Variants in GKN2 observed in about 807,000 individuals in gnomAD.
GKN2 encodes gastrokine 2, also known as gastrokine-2.
GKN2 carries 17 observed loss-of-function variants against 22.7 expected under a neutral mutation model. That is an observed-to-expected ratio of 0.75 (90% confidence interval 0.51 to 1.13). The LOEUF is 1.13. Ranked by LOEUF, GKN2 falls within the 50% of genes most tolerant of loss-of-function variation. The pLI is 0.00. For missense variants in GKN2, 248 were observed against 221.4 expected (o/e 1.12, Z -0.76); for synonymous variants, 82 against 79.6 (o/e 1.03, Z -0.16).
At chr2:68,951,339 T>C (rs118070474) in intron 1 of GKN2, among the ~76,000 whole-genome samples, 8 of 152,302 alleles carry the variant, frequency 5.3e-5, no homozygotes, top group African/African-American at 1.9e-4. Context: ...TATTCTCCTA[T>C]GCCTTAGTGA....
chr2:68,948,268 A>C (rs892596675), intron 3 of GKN2, among the ~76,000 whole-genome samples: 2 of 147,010 alleles, frequency 1.4e-5, no homozygotes, highest in African/African-American at 5.1e-5. Flanking sequence ...AAAAAAAAAA[A>C]CTGTGCTGTC....
chr2:68,946,872 G>A (rs1669778201), intron 4 of GKN2, among the ~76,000 whole-genome samples: 1 of 152,162 alleles, frequency 6.6e-6, no homozygotes. Flanking sequence ...GCTCTGAGAA[G>A]AGAAGCTGAT....
At chr2:68,950,577 G>T (rs1669840983) in intron 2 of GKN2, 125 bp downstream of exon 2, 2 of 825,046 alleles carry the variant, frequency 2.4e-6, no homozygotes, top group Non-Finnish European at 4.0e-6. Flanking sequence ...TTCCATTATT[G>T]GTTATTTCTG....
chr2:68,946,402 G>C lies in GKN2; in HGVS notation c.374C>G (p.Ser125Cys). 1 of 1,613,828 alleles carries C rather than the reference G, an allele frequency of 6.2e-7. No individual in the cohort carries two copies. Reference sequence around the variant, plus strand: ...GAACCAATCCACGTCTTTGATCAGAGACTCCAGAGGGTTGTACTTGACCCA... The same window carrying C: ...GAACCAATCCACGTCTTTGATCAGACACTCCAGAGGGTTGTACTTGACCCA... ...YTWVKYNPLE[S>C]LIKDVDWFLL... Residue 125 changes from serine to cysteine, a missense_variant, in exon 5 of 6, where the codon TCT becomes TGT. Physicochemically the swap from Ser to Cys is moderately radical, Grantham distance 112 (BLOSUM62 -1). Coordinates refer to ENST00000328895, the MANE Select transcript of GKN2 (RefSeq NM_182536.3).
In GKN2 at chr2:68,952,888, G is replaced by A. The variant is rs1389083634; in HGVS notation, c.-27C>T. The A allele has an allele frequency of 1.9e-6, 3 of 1,613,296 alleles. No individual in the cohort carries two copies. In the Admixed American group the frequency reaches 5.0e-5, roughly 27 times the overall value. ...TTGCCTGGGAGAGGAAGGTGCTGGA[G>A]TAAGTAAAGCTGCCCTGTGCAGCTT... On this transcript the variant is annotated 5_prime_UTR_variant, in exon 1 of 6. Coordinates refer to ENST00000328895, the MANE Select transcript of GKN2 (RefSeq NM_182536.3).
At chr2:68,948,508 C>T (rs545712471) in intron 3 of GKN2, among the ~76,000 whole-genome samples, 77 of 152,304 alleles carry the variant, frequency 5.1e-4, no homozygotes, top group Middle Eastern at 3.4e-3. Context: ...CTCATGCACG[C>T]TCACACACGT....
chr2:68,946,530 T>G, intron 4 of GKN2, 70 bp from the exon 5 acceptor site: 2 of 1,307,930 alleles, frequency 1.5e-6, no homozygotes, highest in South Asian at 3.5e-5. Context: ...TATTCTAAAT[T>G]GTGACAATTT....
At chr2:68,952,300 C>A (rs1207709363) in intron 1 of GKN2, among the ~76,000 whole-genome samples, 1 of 152,110 alleles carries the variant, frequency 6.6e-6, no homozygotes, top group Non-Finnish European at 1.5e-5. Flanking sequence ...ATTCTAAATC[C>A]CACATTTACG....
Position 68,947,154 on chromosome 2 carries a change from T to A in GKN2, c.308A>T (p.Glu103Val), listed in dbSNP as rs1039966345. ...AGAGTGCCCCAGAATTACCTGTTTC[T>A]CATAGATGTACCATTGGAGATTGTT... ...PLNNLQWYIY[E>V]KQALDNMFSS... is the part of the protein sequence containing the mutation. The change falls in exon 4 of 6, where the codon GAG (glutamate) becomes GTG (valine). Residue 103 changes from glutamate (E) to valine (V), a missense_variant. Glu to Val is a moderately radical substitution (Grantham distance 121, BLOSUM62 -2). Coordinates refer to ENST00000328895, the MANE Select transcript of GKN2 (RefSeq NM_182536.3). The A allele has an allele frequency of 6.3e-6, 10 of 1,599,324 alleles. No individual in the cohort carries two copies. Among genetic ancestry groups the A allele is most frequent in the Non-Finnish European group, 8.6e-6 (10 of 1,166,586 alleles).
chr2:68,950,805 G>A (rs374572018), intron 1 of GKN2, 50 bp from the exon 2 acceptor site: 151 of 1,581,656 alleles, frequency 9.5e-5, no homozygotes, highest in Non-Finnish European at 1.2e-4. Context: ...GTCATTGAGT[G>A]TGGGACAGGA....
At chr2:68,947,479 A>G (rs371638815) in intron 3 of GKN2, among the ~76,000 whole-genome samples, 1 of 152,188 alleles carries the variant, frequency 6.6e-6, no homozygotes, top group Non-Finnish European at 1.5e-5. Flanking sequence ...GTGCAAACCC[A>G]TGACTATATT....
At chr2:68,947,047 A>G in intron 4 of GKN2, 100 bp downstream of exon 4, 2 of 734,244 alleles carry the variant, frequency 2.7e-6, no homozygotes, top group East Asian at 5.0e-5. Context: ...ATGGTAAGGC[A>G]TGATAGTATG....
At chr2:68,952,363 G>C (rs1021596663) in intron 1 of GKN2, among the ~76,000 whole-genome samples, 2 of 152,018 alleles carry the variant, frequency 1.3e-5, no homozygotes, top group African/African-American at 4.8e-5. Context: ...CTGTAAAACG[G>C]GGAGAATACT....
At chr2:68,948,258 A>AC (rs1573727919) in intron 3 of GKN2, among the ~76,000 whole-genome samples, 11 of 6,396 alleles carry the variant, frequency 1.7e-3, no homozygotes, top group East Asian at 5.7e-3. Context: ...AAAAAAAACA[A>AC]AAAAAAAAAA....
chr2:68,945,363 T>A lies in GKN2; in HGVS notation c.*5A>T. 6.3e-7 allele frequency: 1 copy of A among 1,575,086 alleles called. No homozygotes were observed. The highest frequency in any genetic ancestry group is 1.3e-5 in the African/African-American group (1 of 74,602). On this transcript the variant is annotated 3_prime_UTR_variant, in exon 6 of 6. Coordinates refer to ENST00000328895, the MANE Select transcript of GKN2 (RefSeq NM_182536.3). ...TGAAAAGATAAAACAAGAGGGCTAA[T>A]CATCCTAAACATGAATGTCTGCACA...
At chr2:68,950,302 C>T (rs1332781479) in intron 2 of GKN2, 39 bp from the exon 3 acceptor site, 2 of 1,576,814 alleles carry the variant, frequency 1.3e-6, no homozygotes, top group African/African-American at 1.4e-5. Flanking sequence ...TTCCATAAAT[C>T]TTATATATTT....
intron 3 of GKN2, among the ~76,000 whole-genome samples, chr2:68,949,173 A>G (rs1669818129): frequency 6.6e-6 from 1 of 152,224 alleles, no homozygotes; most frequent in African/African-American, 2.4e-5. Context: ...AATGGAAAAC[A>G]AATGAATAAA....
intron 3 of GKN2, among the ~76,000 whole-genome samples, chr2:68,948,245 AAAAAAAAAAAC>A (rs1447371641): frequency 3.5e-4 from 17 of 48,948 alleles, no homozygotes; most frequent in Admixed American, 2.4e-3. Context: ...GACTCCGTCA[AAAAAAAAAAAC>A]AAAAAAAAAA....
intron 5 of GKN2, 100 bp downstream of exon 5, chr2:68,946,204 G>T (rs948974164): frequency 5.6e-5 from 56 of 1,006,970 alleles, no homozygotes; most frequent in African/African-American, 1.6e-4. Flanking sequence ...ACTGAGTACT[G>T]TTCCCATTTA....
Sources: allele counts gnomAD v4.1 joint callset (sites outside exome capture counted in the v4.1 genomes callset), GRCh38; gene constraint gnomAD v4.1.1; transcripts MANE v1.5; gene names NCBI Gene and HGNC (gene_info 2026-07-23, HGNC 2026-07-21).